Variants in SORCS3 observed in about 807,000 individuals in gnomAD.
SORCS3 encodes VPS10 domain-containing receptor SorCS3.
SORCS3 carries 57 observed loss-of-function variants against 146.3 expected under a neutral mutation model. That is an observed-to-expected ratio of 0.39 (90% CI 0.31 to 0.49). SORCS3 has a LOEUF of 0.49. Among genes scored for constraint, SORCS3 ranks in the 20% least tolerant of loss-of-function variants. The pLI is 0.92. For missense variants in SORCS3, 1,341 were observed against 1,575.5 expected (o/e 0.85, Z 2.52); for synonymous variants, 653 against 618.5 (o/e 1.06, Z -0.83).
intron 2 of SORCS3, among the ~76,000 whole-genome samples, chr10:104,881,457 AC>A (rs2018629377): frequency 6.6e-6 from 1 of 152,224 alleles, no homozygotes. Flanking sequence ...TTTTGATTGA[AC>A]CGATGGAACA....
chr10:104,978,781 A>G (rs1361384076), intron 4 of SORCS3, among the ~76,000 whole-genome samples: 1 of 152,146 alleles, frequency 6.6e-6, no homozygotes, highest in Non-Finnish European at 1.5e-5. Context: ...CTGAAAAAAT[A>G]TTTCCCAAAT....
At chr10:104,847,025 T>G (rs911311454) in intron 2 of SORCS3, among the ~76,000 whole-genome samples, 1 of 152,178 alleles carries the variant, frequency 6.6e-6, no homozygotes, top group African/African-American at 2.4e-5. Flanking sequence ...CTAACAAATG[T>G]AGGCCATTGT....
chr10:105,033,452 T>G (rs2055283763), intron 4 of SORCS3, among the ~76,000 whole-genome samples: 1 of 152,212 alleles, frequency 6.6e-6, no homozygotes, highest in South Asian at 2.1e-4. Flanking sequence ...CCAGGTTATC[T>G]CTAAGGCCAT....
In SORCS3 at chr10:104,872,109, A is replaced by G. The variant is rs148163710; in HGVS notation, c.695+29250A>G. On this transcript the variant is annotated intron_variant, in intron 2 of 26. Transcript: ENST00000369701. The stretch of plus-strand genomic sequence containing the variant: ...CCTCTGTCAACCAAATCCTACTCCA[A>G]GTCTGTCTACCCATAACTGTAATAT... Among the ~76,000 whole-genome samples the G allele has an allele frequency of 9.2e-5, 14 of 152,306 alleles. No homozygotes were observed. The East Asian group carries it at 2.1e-3, about 23-fold the overall frequency.
At chr10:105,175,480 A>T (rs554974371) in intron 13 of SORCS3, among the ~76,000 whole-genome samples, 2 of 152,192 alleles carry the variant, frequency 1.3e-5, no homozygotes, top group Non-Finnish European at 2.9e-5. Context: ...AACCAAACAA[A>T]AAACCCAACT....
At chr10:104,712,731 G>T (rs1296462168) in intron 1 of SORCS3, among the ~76,000 whole-genome samples, 1 of 152,156 alleles carries the variant, frequency 6.6e-6, no homozygotes, top group Non-Finnish European at 1.5e-5. Flanking sequence ...TGGACCTACT[G>T]CTTCCAACAT....
At chr10:104,804,164 T>C (rs1458612988) in intron 1 of SORCS3, among the ~76,000 whole-genome samples, 1 of 152,216 alleles carries the variant, frequency 6.6e-6, no homozygotes, top group Non-Finnish European at 1.5e-5. Flanking sequence ...TCTCACTTGA[T>C]TCTGACAAGT....
At chr10:104,867,492 G>T (rs1234933524) in intron 2 of SORCS3, among the ~76,000 whole-genome samples, 2 of 152,018 alleles carry the variant, frequency 1.3e-5, no homozygotes, top group African/African-American at 2.4e-5. Context: ...TGTATTTTTA[G>T]TAGAGACAGG....
At chr10:104,922,097 C>T (rs575034036) in intron 3 of SORCS3, among the ~76,000 whole-genome samples, 6 of 152,154 alleles carry the variant, frequency 3.9e-5, no homozygotes, top group South Asian at 2.1e-4. Context: ...ATGCCAATGT[C>T]GCTCTCTGGA....
At chr10:104,723,233 T>C (rs1383607863) in intron 1 of SORCS3, among the ~76,000 whole-genome samples, 3 of 152,252 alleles carry the variant, frequency 2.0e-5, no homozygotes, top group African/African-American at 4.8e-5. Context: ...CATTTCATTA[T>C]GTACCCAGTA....
chr10:104,938,522 C>T (rs2019281767), intron 3 of SORCS3, among the ~76,000 whole-genome samples: 1 of 151,866 alleles, frequency 6.6e-6, no homozygotes, highest in African/African-American at 2.4e-5. Flanking sequence ...CCAGTAGCAC[C>T]AGTGCTTATG....
chr10:104,977,547 A>C (rs544944756), intron 4 of SORCS3, 54 bp downstream of exon 4: 2 of 1,489,462 alleles, frequency 1.3e-6, no homozygotes, highest in Non-Finnish European at 1.8e-6. Flanking sequence ...CACCATGTGA[A>C]AATCACTTGC....
At chr10:104,952,415 C>T (rs775084252) in intron 3 of SORCS3, among the ~76,000 whole-genome samples, 2 of 152,062 alleles carry the variant, frequency 1.3e-5, no homozygotes, top group Non-Finnish European at 2.9e-5. Flanking sequence ...GAATCTCACA[C>T]TCTTCTACAT....
intron 20 of SORCS3, among the ~76,000 whole-genome samples, chr10:105,235,961 A>G (rs1306895884): frequency 6.6e-6 from 1 of 152,116 alleles, no homozygotes; most frequent in Non-Finnish European, 1.5e-5. Context: ...CTATGTACTC[A>G]ATAAATGGGT....
At chr10:105,027,019 C>T (rs1416323624) in intron 4 of SORCS3, among the ~76,000 whole-genome samples, 1 of 152,154 alleles carries the variant, frequency 6.6e-6, no homozygotes, top group Non-Finnish European at 1.5e-5. Context: ...AGACCCTGTC[C>T]AGGTAAAACC....
intron 1 of SORCS3, among the ~76,000 whole-genome samples, chr10:104,661,590 A>G (rs899970913): frequency 2.0e-5 from 3 of 152,178 alleles, no homozygotes; most frequent in Non-Finnish European, 2.9e-5. Flanking sequence ...CATAGCTGAG[A>G]TCAAACACAC....
chr10:105,190,722 G>T (rs926670212), intron 14 of SORCS3, among the ~76,000 whole-genome samples: 7 of 152,096 alleles, frequency 4.6e-5, no homozygotes, highest in Non-Finnish European at 1.0e-4. Context: ...AATTATTATT[G>T]TTATTTGACT....
chr10:104,774,546 T>C (rs905661890), intron 1 of SORCS3, among the ~76,000 whole-genome samples: 2 of 152,162 alleles, frequency 1.3e-5, no homozygotes, highest in Non-Finnish European at 2.9e-5. Context: ...GGGTGATTAA[T>C]TGTTGAGATG....
chr10:105,090,684 C>T (rs982581993), intron 6 of SORCS3, among the ~76,000 whole-genome samples: 13 of 152,174 alleles, frequency 8.5e-5, no homozygotes, highest in African/African-American at 2.7e-4. Context: ...CTCTGTTACC[C>T]TCTGGCCTTG....
Sources: allele counts gnomAD v4.1 joint callset (sites outside exome capture counted in the v4.1 genomes callset), GRCh38; gene constraint gnomAD v4.1.1; transcripts MANE v1.5; gene names NCBI Gene and HGNC (gene_info 2026-07-23, HGNC 2026-07-21).